DNAH8: variants seen among roughly 807,000 people sequenced by gnomAD.
DNAH8 encodes the protein dynein axonemal heavy chain 8.
In DNAH8, 382 loss-of-function variants were observed where a neutral mutation model predicts 562.1. The observed-to-expected ratio is 0.68, with a 90% CI of 0.63 to 0.74. The LOEUF (loss-of-function observed/expected upper bound fraction) is 0.74. DNAH8 is among the 30% of genes least tolerant of loss of function. The pLI, the probability that DNAH8 is intolerant of heterozygous loss-of-function variation, is 0.00. For synonymous variants in DNAH8, 1,881 were observed against 1,919.4 expected (o/e 0.98, Z 0.52); for missense variants, 5,203 against 5,620.4 (o/e 0.93, Z 2.37).
chr6:38,783,057 T>C lies in DNAH8; in HGVS notation c.2313T>C (p.Tyr771=). The C allele has an allele frequency of 6.2e-7, 1 of 1,613,980 alleles. No individual in the cohort carries two copies. The highest frequency in any genetic ancestry group is 2.2e-5 in the East Asian group (1 of 44,876). Residue 771 remains tyrosine, a synonymous_variant, in exon 17 of 93, where the codon TAT becomes TAC. Coordinates refer to ENST00000327475, the MANE Select transcript of DNAH8 (RefSeq NM_001206927.2). ...SPDGKAVIRQ[Y]NKISYVLVEF... The stretch of plus-strand genomic sequence containing the variant: ...ACGGTAAAGCTGTCATCCGTCAGTA[T>C]AACAAGATCTCCTATGTGCTGGTGG...
rs1779282030 is a variant in DNAH8 at position 38,890,649 on chromosome 6, C to T, written c.8474-3C>T. 5.0e-6 allele frequency: 8 copies of T among 1,595,054 alleles called. No homozygotes were observed. Among genetic ancestry groups the T allele is most frequent in the Non-Finnish European group, 6.9e-6 (8 of 1,162,888 alleles). On this transcript the variant is annotated splice_region_variant and splice_polypyrimidine_tract_variant and intron_variant, in intron 57 of 92. Coordinates refer to ENST00000327475, the MANE Select transcript of DNAH8 (RefSeq NM_001206927.2). ...TATACCTTCAATCTTGCTTATCTTT[C>T]AGGAATTATTGGATGTGGATACTTT...
At chr6:38,904,289 A>G (rs1780279418) in intron 62 of DNAH8, among the ~76,000 whole-genome samples, 2 of 152,282 alleles carry the variant, frequency 1.3e-5, no homozygotes, top group African/African-American at 4.8e-5. Flanking sequence ...GGAGATAGCA[A>G]TATAGAAGTC....
chr6:38,767,913 C>T (rs1257352430), intron 11 of DNAH8, among the ~76,000 whole-genome samples: 1 of 152,208 alleles, frequency 6.6e-6, no homozygotes, highest in African/African-American at 2.4e-5. Flanking sequence ...TACATTTCCA[C>T]CAGCAATGCA....
Position 38,926,119 on chromosome 6 carries a change from T to A in DNAH8, c.11027T>A (p.Val3676Glu). 6.2e-7 allele frequency: 1 copy of A among 1,613,776 alleles called. No homozygotes were observed. Among genetic ancestry groups the A allele is most frequent in the Non-Finnish European group, 8.5e-7 (1 of 1,179,792 alleles). Residue 3676 changes from valine (V) to glutamate (E), a missense_variant, in exon 74 of 93, where the codon GTG (valine) becomes GAG (glutamate). Val to Glu is a moderately radical substitution (Grantham distance 121). Transcript: ENST00000327475. ...DDLSIQNGII[V>E]TKATRYPLLI... is the part of the protein sequence containing the mutation. ...CTCTCAATTCAGAATGGCATTATTGTGACAAAGGCCACCAGATACCCACTC... is the reference window on the plus strand; with the variant it reads ...CTCTCAATTCAGAATGGCATTATTGAGACAAAGGCCACCAGATACCCACTC...
chr6:38,896,251 G>A (rs1269776436), intron 60 of DNAH8, 26 bp downstream of exon 60: 4 of 1,582,792 alleles, frequency 2.5e-6, no homozygotes, highest in Non-Finnish European at 3.5e-6. Flanking sequence ...TCTTAAAAGA[G>A]GTTTTCAGAT....
In DNAH8 at chr6:38,803,181, A is replaced by T; in HGVS notation, c.2904A>T (p.Thr968=). Reference sequence around the variant, plus strand: ...ATAGTCATTTCTTTATTTAACAGACATACACAAAAGAATGGGCTGACATTC... The same window carrying T: ...ATAGTCATTTCTTTATTTAACAGACTTACACAAAAGAATGGGCTGACATTC... ...KVEDMLTLNE[T]YTKEWADILN... is the part of the protein sequence containing the mutation. The change falls in exon 22 of 93, where the codon ACA becomes ACT. Residue 968 remains threonine (T), a splice_region_variant and synonymous_variant. Coordinates refer to ENST00000327475, the MANE Select transcript of DNAH8 (RefSeq NM_001206927.2). 6.3e-7 allele frequency: 1 copy of T among 1,593,152 alleles called. No individual in the cohort carries two copies. Among genetic ancestry groups the T allele is most frequent in the Non-Finnish European group, 8.5e-7 (1 of 1,170,546 alleles).
At position 38,775,770 on chromosome 6, in the gene DNAH8, C is replaced by T; in HGVS notation, c.1781C>T (p.Thr594Ile). The stretch of plus-strand genomic sequence containing the variant: ...CTTTTTAAGATTACAGAAATGATAA[C>T]TGTTGTGCAAACATATTCAACCTTG... ...KRLEKITEMI[T>I]VVQTYSTLSN... Residue 594 changes from threonine (T) to isoleucine (I), a missense_variant, in exon 13 of 93, where the codon ACT becomes ATT. Physicochemically the swap from Thr to Ile is moderately conservative, Grantham distance 89. Transcript: ENST00000327475. 6.3e-7 allele frequency: 1 copy of T among 1,590,458 alleles called. No homozygotes were observed.
chr6:38,972,863 C>G (rs929418318), intron 83 of DNAH8, among the ~76,000 whole-genome samples: 1 of 152,096 alleles, frequency 6.6e-6, no homozygotes, highest in African/African-American at 2.4e-5. Flanking sequence ...CCTCTGAAAC[C>G]CCAGTTGTAT....
intron 79 of DNAH8, among the ~76,000 whole-genome samples, chr6:38,944,902 T>TC: frequency 6.6e-6 from 1 of 151,834 alleles, no homozygotes; most frequent in African/African-American, 2.4e-5. Flanking sequence ...CCTTCTTTAT[T>TC]CCCCCCCTCT....
chr6:38,856,584 G>A (rs551009140), intron 41 of DNAH8, among the ~76,000 whole-genome samples: 1 of 152,068 alleles, frequency 6.6e-6, no homozygotes, highest in African/African-American at 2.4e-5. Flanking sequence ...TTCTGACACT[G>A]CTTGTTTTCT....
chr6:38,836,070 G>T (rs1351368472), intron 32 of DNAH8, among the ~76,000 whole-genome samples: 1 of 152,098 alleles, frequency 6.6e-6, no homozygotes, highest in Non-Finnish European at 1.5e-5. Flanking sequence ...CTGAAACCTG[G>T]TTTGAGGGAA....
At chr6:38,951,903 A>G (rs529376221) in intron 82 of DNAH8, among the ~76,000 whole-genome samples, 368 of 152,348 alleles carry the variant, frequency 2.4e-3, no homozygotes, top group Non-Finnish European at 3.9e-3. Flanking sequence ...AACTATAACC[A>G]TTATTGTAAT....
chr6:38,999,434 T>A (rs1012351565), intron 88 of DNAH8, among the ~76,000 whole-genome samples: 9 of 151,312 alleles, frequency 5.9e-5, no homozygotes, highest in Non-Finnish European at 1.2e-4. Flanking sequence ...CAGGTAGGAA[T>A]CATGAACTCT....
intron 24 of DNAH8, among the ~76,000 whole-genome samples, chr6:38,813,583 G>A (rs1160915322): frequency 6.6e-6 from 1 of 152,310 alleles, no homozygotes; most frequent in East Asian, 1.9e-4. Flanking sequence ...AGCTCTGCAT[G>A]TGTCCTTCAT....
rs115669940 is a variant in DNAH8, at chr6:38,754,608, G to A, written c.1408-1364G>A. Among the ~76,000 whole-genome samples, 795 of 152,148 alleles carry A rather than the reference G, an allele frequency of 5.2e-3. 8 individuals are homozygous for A. Among genetic ancestry groups the A allele is most frequent in the African/African-American group, 0.018 (756 of 41,536 alleles). On this transcript the variant is annotated intron_variant, in intron 9 of 92. Transcript: ENST00000327475. ...TCTTGTCTTATCAATTAAAAGGAAA[G>A]TTCCTTGAAGGGAGGGATGCCATTG...
intron 30 of DNAH8, among the ~76,000 whole-genome samples, chr6:38,831,311 G>C (rs1296031362): frequency 6.6e-6 from 1 of 151,634 alleles, no homozygotes; most frequent in East Asian, 1.9e-4. Flanking sequence ...TGTAGTCCTG[G>C]CTATTTGGGA....
chr6:38,938,165 A>G lies in DNAH8; in HGVS notation c.11755A>G (p.Asn3919Asp). The change falls in exon 78 of 93, where the codon AAC (asparagine) becomes GAC (aspartate). Residue 3919 changes from asparagine (N) to aspartate (D), a missense_variant. This residue lies in a region of DNAH8 where 1,399 missense variants were observed against 1,518.4 expected (regional missense o/e 0.92). Coordinates refer to ENST00000327475, the MANE Select transcript of DNAH8 (RefSeq NM_001206927.2). ...CCTCATCACAGAGATGAGCATGGTC[A>G]ACATCATGTATCAGACGTCATTGGC... Reference protein sequence around the residue: ...YFLITEMSMVNIMYQTSLAQF... With the variant: ...YFLITEMSMVDIMYQTSLAQF... 6.2e-7 allele frequency: 1 copy of G among 1,614,120 alleles called. No homozygotes were observed. Among genetic ancestry groups the G allele is most frequent in the Non-Finnish European group, 8.5e-7 (1 of 1,180,010 alleles).
chr6:38,918,254 T>A, intron 70 of DNAH8, 114 bp downstream of exon 70: 1 of 701,232 alleles, frequency 1.4e-6, no homozygotes. Flanking sequence ...GATGTCCCTG[T>A]TACCAAATTT....
chr6:38,998,062 C>G (rs13214237), intron 88 of DNAH8, among the ~76,000 whole-genome samples: 23,550 of 152,212 alleles, frequency 0.15, 2,298 homozygotes, highest in East Asian at 0.51. Flanking sequence ...CCAGCCATCA[C>G]TTGATGATAG....
Sources: allele counts gnomAD v4.1 joint callset (sites outside exome capture counted in the v4.1 genomes callset), GRCh38; gene constraint gnomAD v4.1.1; regional missense constraint gnomAD v4.1.1; transcripts MANE v1.5; gene names NCBI Gene and HGNC (gene_info 2026-07-23, HGNC 2026-07-21).